ESS2: variants seen among roughly 807,000 people sequenced by gnomAD.
ESS2 encodes the protein splicing factor ESS-2 homolog.
A neutral mutation model predicts 52.0 loss-of-function variants in ESS2; 31 were observed. The ratio of observed to expected loss-of-function variants is 0.60; its 90% CI spans 0.45 to 0.81. ESS2 has a LOEUF of 0.81. Ranked by LOEUF, ESS2 falls within the 30% of genes least tolerant of loss-of-function variation. The pLI, the probability that ESS2 is intolerant of heterozygous loss-of-function variation, is 0.00. For synonymous variants in ESS2, 285 were observed against 259.2 expected (o/e 1.10, Z -0.95); for missense variants, 602 against 637.2 (o/e 0.94, Z 0.59).
chr22:19,143,845 C>A (rs938747871), intron 1 of ESS2, among the ~76,000 whole-genome samples: 1 of 152,284 alleles, frequency 6.6e-6, no homozygotes, highest in East Asian at 1.9e-4. Flanking sequence ...GGACGACGAG[C>A]GAGACTCCGT....
chr22:19,131,615 C>T lies in ESS2; in HGVS notation c.*2581G>A. ...TGGCAACTGTCAACCACGGCTCCAT[C>T]ATCAAGACTTACGAGATCTTTGAGA... On this transcript the variant is annotated 3_prime_UTR_variant, in exon 10 of 10. Transcript: ENST00000252137. This position sits in a 1 kb window ranked among gnomAD's most constrained non-coding sequence, Gnocchi z 5.7. 1 of 1,614,188 alleles carries T rather than the reference C, an allele frequency of 6.2e-7. No individual in the cohort carries two copies. The highest frequency in any genetic ancestry group is 1.7e-5 in the Admixed American group (1 of 60,024).
chr22:19,131,816 C>T lies in ESS2; in HGVS notation c.*2380G>A, dbSNP rs55775531. The T allele has an allele frequency of 3.8e-5, 61 of 1,614,024 alleles. No homozygotes were observed. The highest frequency in any genetic ancestry group is 3.3e-4 in the East Asian group (15 of 44,894). On this transcript the variant is annotated 3_prime_UTR_variant, in exon 10 of 10. Coordinates refer to ENST00000252137, the MANE Select transcript of ESS2 (RefSeq NM_022719.3). The surrounding 1 kb of genome is among the most constrained non-coding windows in gnomAD (Gnocchi z 5.7). Reference sequence around the variant, plus strand: ...ACATCGTCCACCGGGACCTCAAGTGCGAGAACCTTCTCCTCGACAAGGACT... The same window carrying T: ...ACATCGTCCACCGGGACCTCAAGTGTGAGAACCTTCTCCTCGACAAGGACT...
chr22:19,139,433 G>T, intron 5 of ESS2, 141 bp from the exon 6 acceptor site: 1 of 1,349,076 alleles, frequency 7.4e-7, no homozygotes, highest in Non-Finnish European at 1.0e-6. Flanking sequence ...GCTGGAGAGG[G>T]TCTCACTCAC....
chr22:19,139,433 G>A, intron 5 of ESS2, 141 bp from the exon 6 acceptor site: 1 of 1,349,080 alleles, frequency 7.4e-7, no homozygotes. Context: ...GCTGGAGAGG[G>A]TCTCACTCAC....
At chr22:19,140,676 A>G (rs1264758082) in intron 3 of ESS2, among the ~76,000 whole-genome samples, 1 of 152,172 alleles carries the variant, frequency 6.6e-6, no homozygotes, top group Non-Finnish European at 1.5e-5. Flanking sequence ...GTGGTGGTGC[A>G]AACTTCGGTG....
chr22:19,131,881 G>C lies in ESS2; in HGVS notation c.*2315C>G. On this transcript the variant is annotated 3_prime_UTR_variant, in exon 10 of 10. Transcript: ENST00000252137. The surrounding 1 kb of genome is among the most constrained non-coding windows in gnomAD (Gnocchi z 5.7). ...TCTGACTTTGGCTTCTCCAAGCGCT[G>C]CCTGCGGGACAGCAATGGGCGCATC... 1 of 1,614,140 alleles carries C rather than the reference G, an allele frequency of 6.2e-7. No homozygotes were observed.
chr22:19,139,040 C>G, intron 6 of ESS2, 119 bp downstream of exon 6: 1 of 1,352,900 alleles, frequency 7.4e-7, no homozygotes, highest in Non-Finnish European at 9.9e-7. Context: ...CCGCACAGGG[C>G]CCCAGATGGT....
At chr22:19,140,298 T>C (rs1211543169) in intron 3 of ESS2, among the ~76,000 whole-genome samples, 1 of 152,164 alleles carries the variant, frequency 6.6e-6, no homozygotes. Flanking sequence ...CGTGGTCTGA[T>C]TCAGACTGGA....
chr22:19,139,160 T>G lies in ESS2; in HGVS notation c.821A>C (p.Gln274Pro). The change falls in exon 6 of 10, where the codon CAG becomes CCG. Residue 274 changes from glutamine (Q) to proline (P), a missense_variant and splice_region_variant. By Grantham distance (76) the Gln-to-Pro change is moderately conservative. Transcript: ENST00000252137. ...QLQQAAALNA[Q>P]HKQGKVGPDG... ...GGCCCTGCTGACCCGCCTGCTCACCTGGGCATTGAGGGCGGCTGCCTGCTG... is the reference window on the plus strand; with the variant it reads ...GGCCCTGCTGACCCGCCTGCTCACCGGGGCATTGAGGGCGGCTGCCTGCTG... The G allele has an allele frequency of 6.3e-7, 1 of 1,593,772 alleles. No individual in the cohort carries two copies. The highest frequency in any genetic ancestry group is 1.1e-5 in the South Asian group (1 of 88,458).
In ESS2 at chr22:19,136,031, T is replaced by TAAAAAAAAAAAAAAAAAA. The variant is rs377121962; in HGVS notation, c.1036-874_1036-857dup. Among the ~76,000 whole-genome samples the TAAAAAAAAAAAAAAAAAA allele has an allele frequency of 1.8e-4, 17 of 92,538 alleles. 1 individual carries two copies. The highest frequency in any genetic ancestry group is 7.4e-4 in the African/African-American group (17 of 22,848). 60.7% of individuals were successfully genotyped at this position (92,538 alleles called of 152,430 possible). On this transcript the variant is annotated intron_variant, in intron 8 of 9. Coordinates refer to ENST00000252137, the MANE Select transcript of ESS2 (RefSeq NM_022719.3). ...GGCAACAGAGTGAAACCCTATCTGT[T>TAAAAAAAAAAAAAAAAAA]AAAAAAAAAAAAAAAAAAAAAAAAG...
chr22:19,141,675 A>G (rs2083688434), intron 3 of ESS2, among the ~76,000 whole-genome samples: 1 of 152,212 alleles, frequency 6.6e-6, no homozygotes, highest in African/African-American at 2.4e-5. Context: ...AAGAGACCAT[A>G]AACAGAAATG....
At position 19,142,836 on chromosome 22, in the gene ESS2, T is replaced by C. The variant is rs967639937; in HGVS notation, c.194A>G (p.Gln65Arg). The change falls in exon 2 of 10, where the codon CAG (glutamine) becomes CGG (arginine). Residue 65 changes from glutamine to arginine, a missense_variant. Physicochemically the swap from Gln to Arg is conservative, Grantham distance 43. Transcript: ENST00000252137. Reference protein sequence around the residue: ...FFPDVEKLQAQKEYLEAEENG... With the variant: ...FFPDVEKLQARKEYLEAEENG... ...CTCCTCGGCTTCCAGGTACTCCTTCTGTGCCTGGAGCTTCTCCACATCAGG... is the reference window on the plus strand; with the variant it reads ...CTCCTCGGCTTCCAGGTACTCCTTCCGTGCCTGGAGCTTCTCCACATCAGG... 1 of 1,614,008 alleles carries C rather than the reference T, an allele frequency of 6.2e-7. No homozygotes were observed. The highest frequency in any genetic ancestry group is 1.3e-5 in the African/African-American group (1 of 74,932).
At chr22:19,144,252 A>G in intron 1 of ESS2, 1 of 1,273,420 alleles carries the variant, frequency 7.9e-7, no homozygotes, top group Non-Finnish European at 9.9e-7. Context: ...ACACTTTAAC[A>G]GAAAATCTTC....
intron 9 of ESS2, 55 bp downstream of exon 9, chr22:19,135,005 C>T (rs1215542764): frequency 3.9e-6 from 6 of 1,547,188 alleles, no homozygotes; most frequent in African/African-American, 1.4e-5. Context: ...AGGGGCCGAA[C>T]AGGAGCAGGC....
chr22:19,134,256 G>A lies in ESS2; in HGVS notation c.1371C>T (p.Ala457=). 1 of 1,570,864 alleles carries A rather than the reference G, an allele frequency of 6.4e-7. No individual in the cohort carries two copies. The highest frequency in any genetic ancestry group is 8.7e-7 in the Non-Finnish European group (1 of 1,155,872). ...GCTGCAGCAGGTTGTCCGTGATGGAGGCCGGGTCCTGTGTGAGAGGGGTGC... is the reference window on the plus strand; with the variant it reads ...GCTGCAGCAGGTTGTCCGTGATGGAAGCCGGGTCCTGTGTGAGAGGGGTGC... ...ATRTPLTQDP[A]SITDNLLQLP... Residue 457 remains alanine, a synonymous_variant, in exon 10 of 10, where the codon GCC becomes GCT. Transcript: ENST00000252137.
rs1184910746 is a variant in ESS2 at position 19,142,467 on chromosome 22, C to T, written c.400+71G>A. On this transcript the variant is annotated intron_variant, in intron 3 of 9. Coordinates refer to ENST00000252137, the MANE Select transcript of ESS2 (RefSeq NM_022719.3). The stretch of plus-strand genomic sequence containing the variant: ...GGCCTGCAGCCCTCTGGACCACCCC[C>T]TCAGGGCCTCACAGGCTAAGATTCC... The T allele has an allele frequency of 8.4e-6, 12 of 1,429,070 alleles. No homozygotes were observed. In the South Asian group the frequency reaches 1.3e-4, roughly 16 times the overall value. The allele number at this position is 1,429,070 out of a possible 1,614,324, so 88.5% of individuals were successfully genotyped here. A position where few individuals can be genotyped will look rare whatever the true frequency, so the allele number is the denominator to read the frequency against.
chr22:19,141,259 TATC>T (rs1423154771), intron 3 of ESS2, among the ~76,000 whole-genome samples: 1 of 152,198 alleles, frequency 6.6e-6, no homozygotes, highest in Non-Finnish European at 1.5e-5. Flanking sequence ...AAGCAAAAAG[TATC>T]ATGTTTGCAT....
intron 1 of ESS2, chr22:19,143,959 C>T (rs2083739983): frequency 2.4e-6 from 2 of 847,326 alleles, no homozygotes; most frequent in Admixed American, 6.2e-5. Context: ...GACCTTGCTC[C>T]CGAGCTGCAT....
intron 1 of ESS2, among the ~76,000 whole-genome samples, chr22:19,143,712 C>A (rs950652832): frequency 6.6e-6 from 1 of 152,068 alleles, no homozygotes; most frequent in African/African-American, 2.4e-5. Flanking sequence ...AAAAATTAGC[C>A]GGGCGTGGTG....
Sources: gnomAD v4.1 joint callset for allele counts (sites outside exome capture counted in the v4.1 genomes callset) on GRCh38, gnomAD v4.1.1 for gene constraint, Gnocchi (gnomAD v3.1) non-coding constraint, MANE v1.5 for transcripts, NCBI Gene and HGNC (gene_info 2026-07-23, HGNC 2026-07-21) for gene names.